Variants in SAFB2 observed in about 807,000 individuals in gnomAD.
The protein encoded by SAFB2 is scaffold attachment factor B2.
Under a neutral mutation model 100.6 loss-of-function variants are expected in SAFB2, and 32 were observed. The observed-to-expected ratio is 0.32, with a 90% CI of 0.24 to 0.43. SAFB2 has a LOEUF of 0.43. Ranked by LOEUF, SAFB2 falls within the 20% of genes least tolerant of loss-of-function variation. SAFB2 has a pLI of 1.00. For synonymous variants in SAFB2, 500 were observed against 439.4 expected (o/e 1.14, Z -1.72); for missense variants, 1,185 against 1,163.4 (o/e 1.02, Z -0.27).
rs192725456 is a variant in SAFB2, at chr19:5,604,663, G to A, written c.1479C>T (p.Ser493=). ...TCTTCACTTCGCACTCTTTTCTGTC[G>A]GAAAGCTTTTTCCCAGCAGGCTCAT... ...AKNEPAGKKL[S]DRKECEVKKE... is the part of the protein sequence containing the mutation. Residue 493 remains serine, a synonymous_variant, in exon 11 of 21, where the codon TCC becomes TCT. Transcript: ENST00000252542. 4.3e-5 allele frequency: 70 copies of A among 1,614,128 alleles called. No individual in the cohort carries two copies. In the Admixed American group the frequency reaches 5.2e-4, roughly 12 times the overall value.
At chr19:5,615,091 A>C (rs1387314289) in intron 4 of SAFB2, among the ~76,000 whole-genome samples, 1 of 152,240 alleles carries the variant, frequency 6.6e-6, no homozygotes, top group Non-Finnish European at 1.5e-5. Flanking sequence ...GCAGTGGCTC[A>C]AGCCTGTAAT....
At chr19:5,607,293 A>C (rs1314296610) in intron 9 of SAFB2, among the ~76,000 whole-genome samples, 1 of 152,168 alleles carries the variant, frequency 6.6e-6, no homozygotes, top group East Asian at 1.9e-4. Flanking sequence ...AAAAACAAAA[A>C]AAAACACAAC....
At chr19:5,600,633 A>G (rs758843690) in intron 11 of SAFB2, among the ~76,000 whole-genome samples, 2 of 152,222 alleles carry the variant, frequency 1.3e-5, no homozygotes, top group Non-Finnish European at 2.9e-5. Flanking sequence ...AACATTGTTT[A>G]TAAGCTTTAT....
intron 11 of SAFB2, among the ~76,000 whole-genome samples, chr19:5,601,042 C>A (rs1021932251): frequency 1.1e-4 from 17 of 152,172 alleles, no homozygotes; most frequent in African/African-American, 3.9e-4. Flanking sequence ...CTCCTCCAAC[C>A]GACCCAGGCA....
Position 5,600,018 on chromosome 19 carries a change from C to T in SAFB2, c.1690+112G>A, listed in dbSNP as rs527757262. 46 of 1,104,462 alleles carry T rather than the reference C, an allele frequency of 4.2e-5. No homozygotes were observed. The African/African-American group carries it at 6.9e-4, about 17-fold the overall frequency. The allele number at this position is 1,104,462 out of a possible 1,614,324, so 68.4% of individuals were successfully genotyped here. ...TGTTTCTTTAACACTGCCATATGAA[C>T]AGCGAAACAGCCATGTCACCAGAGC... On this transcript the variant is annotated intron_variant, in intron 12 of 20. Transcript: ENST00000252542.
At position 5,587,035 on chromosome 19, in the gene SAFB2, C is replaced by T; in HGVS notation, c.*208G>A. The T allele has an allele frequency of 1.5e-6, 1 of 669,228 alleles. No individual in the cohort carries two copies. Among genetic ancestry groups the T allele is most frequent in the Non-Finnish European group, 2.5e-6 (1 of 406,570 alleles). The allele number at this position is 669,228 out of a possible 1,614,324, so 41.5% of individuals were successfully genotyped here. On this transcript the variant is annotated 3_prime_UTR_variant, in exon 21 of 21. Coordinates refer to ENST00000252542, the MANE Select transcript of SAFB2 (RefSeq NM_014649.3). The surrounding 1 kb of genome is among the most constrained non-coding windows in gnomAD (Gnocchi z 4.9). ...AACTTTATTAATGGAAAATGGAATG[C>T]CTCGTTAACAGAAACCTTGATTTAA...
At chr19:5,612,272 G>C (rs145530149) in intron 6 of SAFB2, 9 of 514,910 alleles carry the variant, frequency 1.7e-5, no homozygotes, top group African/African-American at 1.4e-4. Context: ...TCACGGGGAC[G>C]GGGGAATTAA....
rs576160643 is a variant in SAFB2 at position 5,590,501 on chromosome 19, G to T, written c.2395-93C>A. The T allele has an allele frequency of 5.0e-6, 7 of 1,392,872 alleles. No homozygotes were observed. In the African/African-American group the frequency reaches 8.7e-5, roughly 17 times the overall value. 86.3% of individuals were successfully genotyped at this position (1,392,872 alleles called of 1,614,324 possible). ...CCTGTCCACTGCAGGCCCCAGGGTG[G>T]CAGGTGGGGCGGAGCTGAGAGAGGA... is the stretch of plus-strand genomic sequence containing the variant. On this transcript the variant is annotated intron_variant, in intron 17 of 20. Transcript: ENST00000252542.
chr19:5,597,068 TTA>T (rs2052548782), intron 13 of SAFB2, among the ~76,000 whole-genome samples: 1 of 152,072 alleles, frequency 6.6e-6, no homozygotes, highest in African/African-American at 2.4e-5. Context: ...GGCAGATGTC[TTA>T]CACACACTGC....
In SAFB2 at chr19:5,587,904, C is replaced by T. The variant is rs891647250; in HGVS notation, c.2602G>A (p.Ala868Thr). Residue 868 changes from alanine to threonine, a missense_variant, in exon 19 of 21, where the codon GCA becomes ACA. By Grantham distance (58) the Ala-to-Thr change is moderately conservative (BLOSUM62 0). Coordinates refer to ENST00000252542, the MANE Select transcript of SAFB2 (RefSeq NM_014649.3). The surrounding 1 kb of genome is among the most constrained non-coding windows in gnomAD (Gnocchi z 4.9). The part of the protein sequence containing the change: ...QARAWQGAMD[A>T]GAASREHARW... ...GCGTGCTCCCGGCTAGCCGCGCCTG[C>T]GTCCATGGCACCCTGCCAGGCGCGT... is the stretch of plus-strand genomic sequence containing the variant. 1.2e-6 allele frequency: 2 copies of T among 1,612,462 alleles called. No homozygotes were observed. Among genetic ancestry groups the T allele is most frequent in the African/African-American group, 1.3e-5 (1 of 74,948 alleles).
At chr19:5,588,700 T>C (rs1014747825) in intron 18 of SAFB2, among the ~76,000 whole-genome samples, 8 of 151,554 alleles carry the variant, frequency 5.3e-5, no homozygotes, top group African/African-American at 1.9e-4. Flanking sequence ...AAGGGACCTG[T>C]GGCTACCAAG....
At chr19:5,602,525 GT>G (rs1424302815) in intron 11 of SAFB2, among the ~76,000 whole-genome samples, 2 of 144,924 alleles carry the variant, frequency 1.4e-5, no homozygotes, top group Non-Finnish European at 3.0e-5. Flanking sequence ...CCATCACCCA[GT>G]TAAGAGCCAT....
At position 5,622,757 on chromosome 19, in the gene SAFB2, C is replaced by T; in HGVS notation, c.-42G>A. ...TCGCCACCGACTCAGTCGCACACCG[C>T]CGGCAGCTATAGCGGCTCTGAACAC... On this transcript the variant is annotated 5_prime_UTR_variant, in exon 1 of 21. Transcript: ENST00000252542. 1 of 1,563,878 alleles carries T rather than the reference C, an allele frequency of 6.4e-7. No homozygotes were observed. Among genetic ancestry groups the T allele is most frequent in the Non-Finnish European group, 8.6e-7 (1 of 1,159,784 alleles).
chr19:5,622,520 G>C lies in SAFB2; in HGVS notation c.186+10C>G, dbSNP rs1199182359. The C allele has an allele frequency of 1.3e-6, 2 of 1,592,810 alleles. No individual in the cohort carries two copies. Among genetic ancestry groups the C allele is most frequent in the African/African-American group, 1.3e-5 (1 of 74,122 alleles). ...CTCCTGCGCCACCCCCGAGCCCCGC[G>C]CCGCCTCACCTTCTTGAGCCGCTCC... On this transcript the variant is annotated intron_variant, in intron 1 of 20. Transcript: ENST00000252542.
At chr19:5,601,220 AACTG>A (rs1288543087) in intron 11 of SAFB2, among the ~76,000 whole-genome samples, 2 of 152,190 alleles carry the variant, frequency 1.3e-5, no homozygotes, top group African/African-American at 4.8e-5. Context: ...TACATCCCAG[AACTG>A]ACTATTGTAA....
chr19:5,600,796 A>G (rs1351975288), intron 11 of SAFB2, among the ~76,000 whole-genome samples: 1 of 152,166 alleles, frequency 6.6e-6, no homozygotes, highest in Non-Finnish European at 1.5e-5. Context: ...GAGTTAAAAT[A>G]ATGTGTTATG....
At chr19:5,594,711 G>A (rs1178334213) in intron 14 of SAFB2, among the ~76,000 whole-genome samples, 7 of 152,156 alleles carry the variant, frequency 4.6e-5, no homozygotes, top group African/African-American at 1.7e-4. Context: ...CATCAGAGGA[G>A]GGGCGAAAAT....
Position 5,604,638 on chromosome 19 carries a change from T to G in SAFB2, c.1504A>C (p.Lys502Gln). ...CTGTCGACACTCGATAATTTTTCCT[T>G]CTTCACTTCGCACTCTTTTCTGTCG... The part of the protein sequence containing the change: ...LSDRKECEVK[K>Q]EKLSSVDRHH... Residue 502 changes from lysine (K) to glutamine (Q), a missense_variant, in exon 11 of 21, where the codon AAG (lysine) becomes CAG (glutamine). Physicochemically the swap from Lys to Gln is moderately conservative, Grantham distance 53 (BLOSUM62 1). Coordinates refer to ENST00000252542, the MANE Select transcript of SAFB2 (RefSeq NM_014649.3). 1 of 1,614,208 alleles carries G rather than the reference T, an allele frequency of 6.2e-7. No homozygotes were observed. The highest frequency in any genetic ancestry group is 8.5e-7 in the Non-Finnish European group (1 of 1,180,036).
intron 12 of SAFB2, among the ~76,000 whole-genome samples, chr19:5,599,703 A>G (rs910992947): frequency 1.8e-4 from 27 of 152,296 alleles, no homozygotes; most frequent in Admixed American, 1.8e-3. Flanking sequence ...AAACAGAACC[A>G]CTTCAACAGA....
Sources: gnomAD v4.1 joint callset for allele counts (sites outside exome capture counted in the v4.1 genomes callset) on GRCh38, gnomAD v4.1.1 for gene constraint, Gnocchi (gnomAD v3.1) non-coding constraint, MANE v1.5 for transcripts, NCBI Gene and HGNC (gene_info 2026-07-23, HGNC 2026-07-21) for gene names.